The following PCLO variants were observed in gnomAD, a reference collection of about 807,000 sequenced individuals.
PCLO encodes the protein piccolo presynaptic cytomatrix protein, also known as protein piccolo.
PCLO carries 82 observed loss-of-function variants against 427.5 expected under a neutral mutation model. That is an observed-to-expected ratio of 0.19 (90% confidence interval 0.16 to 0.23). PCLO has a LOEUF of 0.23. PCLO is among the 10% of genes least tolerant of loss of function. The pLI, the probability that PCLO is intolerant of heterozygous loss-of-function variation, is 1.00. For missense variants in PCLO, 6,239 were observed against 6,115.9 expected (o/e 1.02, Z -0.67); for synonymous variants, 2,357 against 2,155.4 (o/e 1.09, Z -2.59).
chr7:82,902,545 G>A, intron 9 of PCLO, 106 bp downstream of exon 9: 2 of 637,548 alleles, frequency 3.1e-6, no homozygotes, highest in South Asian at 1.8e-5. Flanking sequence ...CATGCACATT[G>A]TGCACATGTA....
At chr7:83,158,480 C>A (rs534820964) in intron 1 of PCLO, among the ~76,000 whole-genome samples, 4 of 151,836 alleles carry the variant, frequency 2.6e-5, no homozygotes, top group African/African-American at 9.6e-5. Flanking sequence ...TAAATAACTT[C>A]CCTGTACAGA....
chr7:83,017,002 T>C (rs965869377), intron 3 of PCLO, among the ~76,000 whole-genome samples: 2 of 152,072 alleles, frequency 1.3e-5, no homozygotes, highest in Non-Finnish European at 2.9e-5. Flanking sequence ...GGCTCTTTTT[T>C]CTTTGTGAAT....
intron 3 of PCLO, among the ~76,000 whole-genome samples, chr7:83,072,716 T>C (rs1402489541): frequency 6.6e-6 from 1 of 152,080 alleles, no homozygotes; most frequent in East Asian, 1.9e-4. Flanking sequence ...ATCTTATATC[T>C]CCTGAATGCC....
chr7:83,047,918 G>A (rs1789141972), intron 3 of PCLO, among the ~76,000 whole-genome samples: 1 of 151,618 alleles, frequency 6.6e-6, no homozygotes, highest in Admixed American at 6.6e-5. Flanking sequence ...CCACCTCAAG[G>A]ATACACCACA....
intron 3 of PCLO, among the ~76,000 whole-genome samples, chr7:82,974,583 A>AT (rs1457097638): frequency 1.3e-5 from 2 of 152,198 alleles, no homozygotes; most frequent in South Asian, 2.1e-4. Context: ...GGTTCATAGC[A>AT]TTTTTTGTGA....
At chr7:82,782,667 T>C (rs980720673) in intron 22 of PCLO, among the ~76,000 whole-genome samples, 6 of 152,204 alleles carry the variant, frequency 3.9e-5, no homozygotes, top group African/African-American at 7.2e-5. Context: ...CTTTTTTACG[T>C]TAATATAAAA....
chr7:82,931,014 CT>C (rs1221188261), intron 6 of PCLO, among the ~76,000 whole-genome samples: 1 of 152,058 alleles, frequency 6.6e-6, no homozygotes, highest in Non-Finnish European at 1.5e-5. Flanking sequence ...AGTTAAGAGC[CT>C]TTTAGTGGTC....
intron 3 of PCLO, among the ~76,000 whole-genome samples, chr7:82,976,452 AT>A (rs1796020401): frequency 6.6e-6 from 1 of 152,188 alleles, no homozygotes; most frequent in African/African-American, 2.4e-5. Context: ...CTTATTATAT[AT>A]ATTTTAAACT....
At chr7:83,082,226 TAATA>T (rs1043837916) in intron 3 of PCLO, among the ~76,000 whole-genome samples, 1 of 151,640 alleles carries the variant, frequency 6.6e-6, no homozygotes, top group African/African-American at 2.4e-5. Flanking sequence ...CTACTCTCAA[TAATA>T]AATCATTTTA....
In PCLO at chr7:82,806,238, A is replaced by G. The variant is rs562318127; in HGVS notation, c.14792-409T>C. The stretch of plus-strand genomic sequence containing the variant: ...GGTAGATAGAAATGGCAAGATAAAG[A>G]AAATTGCTTATTTTTTTCCTATTAC... On this transcript the variant is annotated intron_variant, in intron 20 of 24. Transcript: ENST00000333891. 5.3e-5 allele frequency among the ~76,000 whole-genome samples: 8 copies of G among 152,262 alleles called. No homozygotes were observed. In the South Asian group the frequency reaches 1.5e-3, roughly 28 times the overall value.
intron 3 of PCLO, among the ~76,000 whole-genome samples, chr7:82,987,106 A>T (rs1419477986): frequency 6.6e-6 from 1 of 152,014 alleles, no homozygotes; most frequent in Non-Finnish European, 1.5e-5. Flanking sequence ...AATGCATGTA[A>T]TTTGTGTACC....
At chr7:82,951,610 C>A (rs1166418771) in intron 5 of PCLO, 120 bp from the exon 6 acceptor site, 10 of 855,998 alleles carry the variant, frequency 1.2e-5, no homozygotes, top group African/African-American at 3.4e-5. Flanking sequence ...CACAGGGTAA[C>A]CTAATTATAT....
chr7:82,915,555 C>T lies in PCLO; in HGVS notation c.12431G>A (p.Gly4144Asp), dbSNP rs1794429536. 2 of 1,613,618 alleles carry T rather than the reference C, an allele frequency of 1.2e-6. No homozygotes were observed. Among genetic ancestry groups the T allele is most frequent in the East Asian group, 2.2e-5 (1 of 44,832 alleles). ...RGTESLDHLAGLSHYYHADTS... is the reference protein window; with the variant it reads ...RGTESLDHLADLSHYYHADTS... ...ATCAGCATGGTAATAATGAGAAAGA[C>T]CAGCAAGGTGATCTAAGCTCTCTGT... Residue 4144 changes from glycine to aspartate, a missense_variant, in exon 7 of 25, where the codon GGT becomes GAT. Physicochemically the swap from Gly to Asp is moderately conservative, Grantham distance 94. This residue lies in a region of PCLO where 680 missense variants were observed against 677.3 expected (regional missense o/e 1.00). Coordinates refer to ENST00000333891, the MANE Select transcript of PCLO (RefSeq NM_033026.6).
chr7:83,108,037 A>G (rs1335824880), intron 3 of PCLO, among the ~76,000 whole-genome samples: 2 of 151,480 alleles, frequency 1.3e-5, no homozygotes, highest in African/African-American at 2.4e-5. Context: ...AAAGAACTCT[A>G]AAGTTTCAAA....
At position 83,154,891 on chromosome 7, in the gene PCLO, G is replaced by C; in HGVS notation, c.1750C>G (p.Leu584Val). 2 of 1,614,046 alleles carry C rather than the reference G, an allele frequency of 1.2e-6. No homozygotes were observed. Among genetic ancestry groups the C allele is most frequent in the Admixed American group, 1.7e-5 (1 of 60,024 alleles). Residue 584 changes from leucine to valine, a missense_variant, in exon 2 of 25, where the codon CTC becomes GTC. This residue lies in a region of PCLO where 4,677 missense variants were observed against 4,468.4 expected (regional missense o/e 1.05). Coordinates refer to ENST00000333891, the MANE Select transcript of PCLO (RefSeq NM_033026.6). ...CAAAGAGGACAGATGGTTTTAGGGA[G>C]GCCTTGTGAAGGAGGCTGTTTTGCA... ...PSAKQPPSQG[L>V]PKTICPLCNT...
chr7:83,093,492 ATTTT>A (rs1169852004), intron 3 of PCLO, among the ~76,000 whole-genome samples: 1 of 59,342 alleles, frequency 1.7e-5, no homozygotes, highest in Non-Finnish European at 3.3e-5. Flanking sequence ...ATATATATAT[ATTTT>A]TTTTTTTTTT....
chr7:82,950,777 G>T lies in PCLO; in HGVS notation c.9811C>A (p.Gln3271Lys). The T allele has an allele frequency of 6.2e-7, 1 of 1,613,730 alleles. No individual in the cohort carries two copies. The highest frequency in any genetic ancestry group is 8.5e-7 in the Non-Finnish European group (1 of 1,179,814). The stretch of plus-strand genomic sequence containing the variant: ...AACTGGGCTTGCCGCTCTTCTTCTT[G>T]CTGAAAGAGAAGGTGTTGCTTCATA... Reference protein sequence around the residue: ...QSMKQHLLFQQEEERQAQFMM... With the variant: ...QSMKQHLLFQKEEERQAQFMM... The change falls in exon 6 of 25, where the codon CAA becomes AAA. Residue 3271 changes from glutamine to lysine, a missense_variant. By Grantham distance (53) the Gln-to-Lys change is moderately conservative (BLOSUM62 1). This residue lies in a region of PCLO where 4,677 missense variants were observed against 4,468.4 expected (regional missense o/e 1.05). Transcript: ENST00000333891.
At chr7:82,977,440 T>C (rs1312714071) in intron 3 of PCLO, among the ~76,000 whole-genome samples, 1 of 150,228 alleles carries the variant, frequency 6.7e-6, no homozygotes, top group Non-Finnish European at 1.5e-5. Context: ...GGAGATGGAG[T>C]TTTGCTCTTA....
intron 10 of PCLO, among the ~76,000 whole-genome samples, chr7:82,869,763 A>G (rs779255858): frequency 6.6e-6 from 1 of 152,038 alleles, no homozygotes; most frequent in African/African-American, 2.4e-5. Flanking sequence ...GCACAGTAGT[A>G]GTAAAGAAAA....
Sources: gnomAD v4.1 joint callset for allele counts (sites outside exome capture counted in the v4.1 genomes callset) on GRCh38, gnomAD v4.1.1 for gene constraint, gnomAD v4.1.1 regional missense constraint, MANE v1.5 for transcripts, NCBI Gene and HGNC (gene_info 2026-07-23, HGNC 2026-07-21) for gene names.